The following MBNL1 variants were observed in gnomAD, a reference collection of about 807,000 sequenced individuals.
MBNL1 encodes the protein muscleblind like splicing regulator 1.
In MBNL1, 8 loss-of-function variants were observed where a neutral mutation model predicts 42.2. The ratio of observed to expected loss-of-function variants is 0.19; its 90% CI spans 0.11 to 0.34. The LOEUF (loss-of-function observed/expected upper bound fraction) is 0.34, where lower values mean the gene tolerates loss of function less well. Among genes scored for constraint, MBNL1 ranks in the 10% least tolerant of loss-of-function variants. The probability of loss-of-function intolerance (pLI) is 1.00; values close to 1 mark genes in which losing one functional copy is unlikely to be tolerated. For missense variants in MBNL1, 309 were observed against 495.3 expected (o/e 0.62, Z 3.57); for synonymous variants, 169 against 173.9 (o/e 0.97, Z 0.22).
intron 2 of MBNL1, chr3:152,335,218 C>T (rs1032131840): frequency 2.3e-6 from 3 of 1,289,698 alleles, no homozygotes; most frequent in Non-Finnish European, 3.0e-6. Flanking sequence ...ATGGAGTTGG[C>T]TAATGGATGC....
intron 2 of MBNL1, among the ~76,000 whole-genome samples, chr3:152,325,567 A>G (rs1225436814): frequency 6.6e-6 from 1 of 151,900 alleles, no homozygotes. Flanking sequence ...TTTTTAGTTT[A>G]TAGTTAATTT....
chr3:152,300,435 C>G, intron 2 of MBNL1, 68 bp downstream of exon 2: 2 of 1,276,914 alleles, frequency 1.6e-6, no homozygotes, highest in Non-Finnish European at 2.2e-6. Flanking sequence ...ACATACAGTT[C>G]TCTGCATATG....
chr3:152,288,417 T>C (rs1039195598), intron 1 of MBNL1, among the ~76,000 whole-genome samples: 3 of 152,204 alleles, frequency 2.0e-5, no homozygotes, highest in Admixed American at 6.5e-5. Flanking sequence ...GAAAATATGC[T>C]TGGGCCTACA....
rs1213777173 is a variant in MBNL1, at chr3:152,269,067, C to A, written c.-815C>A. ...CTTGGGCACTTGGTCGACAGTGGGGCCGCCTCTGAAAAAAAAATGTGAGAG... is the reference window on the plus strand; with the variant it reads ...CTTGGGCACTTGGTCGACAGTGGGGACGCCTCTGAAAAAAAAATGTGAGAG... On this transcript the variant is annotated 5_prime_UTR_variant, in exon 1 of 10. Coordinates refer to ENST00000324210, the MANE Select transcript of MBNL1 (RefSeq NM_021038.5). The A allele has an allele frequency of 2.2e-6, 1 of 454,500 alleles. No homozygotes were observed. Among genetic ancestry groups the A allele is most frequent in the Non-Finnish European group, 4.4e-6 (1 of 226,526 alleles). 28.2% of individuals were successfully genotyped at this position (454,500 alleles called of 1,614,324 possible).
intron 2 of MBNL1, among the ~76,000 whole-genome samples, chr3:152,245,619 T>C (rs1177941980): frequency 3.3e-5 from 5 of 152,210 alleles, no homozygotes; most frequent in Admixed American, 6.5e-5. Context: ...AATTAATAGA[T>C]TTAATTTTTG....
At chr3:152,340,638 A>C in intron 2 of MBNL1, 1 of 1,614,016 alleles carries the variant, frequency 6.2e-7, no homozygotes, top group Non-Finnish European at 8.5e-7. Flanking sequence ...TAAACCCACA[A>C]GCGTAAATGT....
intron 2 of MBNL1, among the ~76,000 whole-genome samples, chr3:152,396,611 C>T (rs1346997327): frequency 6.6e-6 from 1 of 152,086 alleles, no homozygotes; most frequent in Non-Finnish European, 1.5e-5. Context: ...TTTTTTCCAC[C>T]CTGGTTTCAC....
chr3:152,376,499 T>A (rs998762318), intron 2 of MBNL1, among the ~76,000 whole-genome samples: 18 of 152,236 alleles, frequency 1.2e-4, no homozygotes, highest in African/African-American at 4.3e-4. Flanking sequence ...AATAAGAAGC[T>A]GTTTTAGAAG....
At chr3:152,409,303 G>A (rs2098511390) in intron 2 of MBNL1, among the ~76,000 whole-genome samples, 2 of 152,054 alleles carry the variant, frequency 1.3e-5, no homozygotes, top group African/African-American at 4.8e-5. Context: ...ACGTGTATGT[G>A]TTTGTGTGTG....
chr3:152,400,377 A>G (rs1192211534), intron 2 of MBNL1, among the ~76,000 whole-genome samples: 1 of 152,220 alleles, frequency 6.6e-6, no homozygotes, highest in Non-Finnish European at 1.5e-5. Context: ...TAAAAGCAAT[A>G]TTGTCAGGTT....
At chr3:152,269,907 A>C (rs3071415) in intron 1 of MBNL1, 90,476 of 120,240 alleles carry the variant, frequency 0.75, 35,615 homozygotes, top group African/African-American at 0.94. Context: ...ATATGTAGCC[A>C]CCCCCCAACT....
intron 2 of MBNL1, among the ~76,000 whole-genome samples, chr3:152,252,450 C>A (rs1362903385): frequency 2.0e-5 from 3 of 151,684 alleles, no homozygotes; most frequent in African/African-American, 7.3e-5. Context: ...TACTTTAAAT[C>A]TTTTTTTAAC....
In MBNL1 at chr3:152,371,326, C is replaced by T. The variant is rs191290353; in HGVS notation, c.175-43615C>T. ...TCTTTAAGAATGTTGTGCCAGGCAC[C>T]GTGGCTCATGTGTGTAATCCCAGCA... On this transcript the variant is annotated intron_variant, in intron 2 of 9. Coordinates refer to ENST00000324210, the MANE Select transcript of MBNL1 (RefSeq NM_021038.5). 2.6e-5 allele frequency among the ~76,000 whole-genome samples: 4 copies of T among 152,204 alleles called. No homozygotes were observed. The East Asian group carries it at 7.7e-4, about 29-fold the overall frequency.
At chr3:152,316,970 A>G (rs948065410) in intron 2 of MBNL1, among the ~76,000 whole-genome samples, 2 of 152,122 alleles carry the variant, frequency 1.3e-5, no homozygotes, top group African/African-American at 4.8e-5. Flanking sequence ...GTAATTTCTT[A>G]TTCATAGTTA....
At chr3:152,354,475 A>G (rs941852891) in intron 2 of MBNL1, among the ~76,000 whole-genome samples, 1 of 152,134 alleles carries the variant, frequency 6.6e-6, no homozygotes, top group Non-Finnish European at 1.5e-5. Flanking sequence ...AAAATTACGT[A>G]CTTGAGTTTG....
Position 152,275,611 on chromosome 3 carries a change from G to T in MBNL1, c.-790+6519G>T, listed in dbSNP as rs374650875. Among the ~76,000 whole-genome samples the T allele has an allele frequency of 5.3e-4, 80 of 151,358 alleles. No homozygotes were observed. In the South Asian group the frequency reaches 0.016, roughly 31 times the overall value. On this transcript the variant is annotated intron_variant, in intron 1 of 9. Coordinates refer to ENST00000324210, the MANE Select transcript of MBNL1 (RefSeq NM_021038.5). ...GTAATCCCAGTTACTTGGGAGCTGA[G>T]GCAGGGGGATTGCTTGAACTCGGGA... is the stretch of plus-strand genomic sequence containing the variant.
intron 3 of MBNL1, among the ~76,000 whole-genome samples, chr3:152,428,488 G>A (rs1176303004): frequency 1.3e-5 from 2 of 152,182 alleles, no homozygotes; most frequent in Non-Finnish European, 2.9e-5. Flanking sequence ...TACCTAAAGA[G>A]TCCTAATTCT....
At chr3:152,330,616 A>C (rs910182367) in intron 2 of MBNL1, among the ~76,000 whole-genome samples, 6 of 152,218 alleles carry the variant, frequency 3.9e-5, no homozygotes, top group Admixed American at 2.0e-4. Flanking sequence ...TACAGAATGC[A>C]ATACAGTAAT....
chr3:152,362,752 C>T (rs1317157321), intron 2 of MBNL1, among the ~76,000 whole-genome samples: 1 of 152,124 alleles, frequency 6.6e-6, no homozygotes, highest in Admixed American at 6.6e-5. Flanking sequence ...GCTTGAGAAC[C>T]ATAGTTGCAG....
Sources: allele counts gnomAD v4.1 joint callset (sites outside exome capture counted in the v4.1 genomes callset), GRCh38; gene constraint gnomAD v4.1.1; transcripts MANE v1.5; gene names NCBI Gene and HGNC (gene_info 2026-07-23, HGNC 2026-07-21).